Variants in CNTNAP2 observed in about 807,000 individuals in gnomAD.
CNTNAP2 encodes contactin associated protein 2, also known as contactin-associated protein-like 2.
A neutral mutation model predicts 155.2 loss-of-function variants in CNTNAP2; 98 were observed. The ratio of observed to expected loss-of-function variants is 0.63; its 90% CI spans 0.54 to 0.75. The LOEUF (loss-of-function observed/expected upper bound fraction) is 0.75. Among genes scored for constraint, CNTNAP2 ranks in the 30% least tolerant of loss-of-function variants. The pLI is 0.00. For missense variants in CNTNAP2, 1,727 were observed against 1,688.1 expected, an observed-to-expected ratio of 1.02 and a Z score of -0.40; for synonymous variants, 651 against 631.2, an observed-to-expected ratio of 1.03 and a Z score of -0.47.
intron 1 of CNTNAP2, among the ~76,000 whole-genome samples, chr7:146,355,322 G>T (rs910503035): frequency 6.6e-6 from 1 of 152,154 alleles, no homozygotes; most frequent in South Asian, 2.1e-4. Flanking sequence ...CCAACAGGGG[G>T]TGTGCTAATA....
intron 1 of CNTNAP2, among the ~76,000 whole-genome samples, chr7:146,214,606 T>C (rs1799086085): frequency 6.6e-6 from 1 of 152,202 alleles, no homozygotes; most frequent in South Asian, 2.1e-4. Context: ...ACACTGTTAT[T>C]TAAAAGATTC....
chr7:147,364,752 G>A (rs1041834247), intron 9 of CNTNAP2, among the ~76,000 whole-genome samples: 15 of 152,062 alleles, frequency 9.9e-5, no homozygotes, highest in African/African-American at 3.6e-4. Flanking sequence ...GGGAGGCTGA[G>A]GCAGGAGAAT....
intron 14 of CNTNAP2, among the ~76,000 whole-genome samples, chr7:147,951,103 G>A (rs1009618011): frequency 3.9e-5 from 6 of 152,174 alleles, no homozygotes; most frequent in African/African-American, 1.4e-4. Context: ...TTATCTGATA[G>A]CGATTTAATT....
chr7:148,303,280 C>T (rs1201150244), intron 21 of CNTNAP2, among the ~76,000 whole-genome samples: 1 of 152,116 alleles, frequency 6.6e-6, no homozygotes. Context: ...GTAGAGAATG[C>T]AAGGTAGATT....
chr7:147,539,430 A>C (rs546013339), intron 11 of CNTNAP2, among the ~76,000 whole-genome samples: 1 of 152,168 alleles, frequency 6.6e-6, no homozygotes, highest in Admixed American at 6.6e-5. Flanking sequence ...TCCAGAGCCA[A>C]ACTATTTTGG....
At chr7:147,946,642 C>T (rs1212889995) in intron 14 of CNTNAP2, among the ~76,000 whole-genome samples, 4 of 151,750 alleles carry the variant, frequency 2.6e-5, no homozygotes, top group Non-Finnish European at 1.5e-5. Context: ...ATTTTCTTGG[C>T]GAGAAATAGT....
chr7:146,231,165 AG>A (rs1164076228), intron 1 of CNTNAP2, among the ~76,000 whole-genome samples: 1 of 152,180 alleles, frequency 6.6e-6, no homozygotes, highest in Admixed American at 6.5e-5. Flanking sequence ...TACATTCACT[AG>A]GATTACCTCA....
intron 15 of CNTNAP2, among the ~76,000 whole-genome samples, chr7:148,088,678 C>T (rs1402243077): frequency 6.6e-6 from 1 of 151,834 alleles, no homozygotes; most frequent in Non-Finnish European, 1.5e-5. Flanking sequence ...AAAAAGCCTC[C>T]TATCAAAGAA....
chr7:146,447,284 G>A (rs1796415882), intron 1 of CNTNAP2, among the ~76,000 whole-genome samples: 1 of 152,034 alleles, frequency 6.6e-6, no homozygotes, highest in Non-Finnish European at 1.5e-5. Flanking sequence ...TTCAGTAAAA[G>A]AAAGGAGCTA....
intron 1 of CNTNAP2, among the ~76,000 whole-genome samples, chr7:146,419,282 G>T (rs66785922): frequency 0.29 from 44,405 of 151,802 alleles, 6,643 homozygotes; most frequent in Admixed American, 0.43. Context: ...AACAGTATGG[G>T]GGAAACTGCC....
chr7:146,750,244 T>G (rs1370592418), intron 1 of CNTNAP2, among the ~76,000 whole-genome samples: 35 of 152,158 alleles, frequency 2.3e-4, no homozygotes, highest in Admixed American at 2.3e-3. Context: ...TTCTCCTATT[T>G]GAGAGTTTGA....
At chr7:148,323,788 G>A (rs1294860335) in intron 21 of CNTNAP2, among the ~76,000 whole-genome samples, 1 of 152,074 alleles carries the variant, frequency 6.6e-6, no homozygotes, top group Admixed American at 6.6e-5. Flanking sequence ...GAGGGAGGAG[G>A]CGTGAAGAGG....
intron 1 of CNTNAP2, among the ~76,000 whole-genome samples, chr7:146,609,537 C>T (rs1351494815): frequency 1.3e-5 from 2 of 152,076 alleles, no homozygotes; most frequent in African/African-American, 4.8e-5. Flanking sequence ...CATTTTGTGA[C>T]AAACTTAAAA....
chr7:147,267,488 C>T, intron 8 of CNTNAP2, among the ~76,000 whole-genome samples: 1 of 152,112 alleles, frequency 6.6e-6, no homozygotes, highest in Non-Finnish European at 1.5e-5. Flanking sequence ...TCCTTCCTCT[C>T]TCTGATGTTC....
chr7:146,182,566 C>G (rs1798563951), intron 1 of CNTNAP2, among the ~76,000 whole-genome samples: 1 of 152,156 alleles, frequency 6.6e-6, no homozygotes, highest in African/African-American at 2.4e-5. Context: ...GTTACAACTG[C>G]ATGTTTATGC....
At chr7:146,849,906 A>G (rs10238120) in intron 3 of CNTNAP2, among the ~76,000 whole-genome samples, 5,572 of 152,202 alleles carry the variant, frequency 0.037, 337 homozygotes, top group African/African-American at 0.12. Flanking sequence ...CTTTAAACAA[A>G]AGCCCGGGTC....
At chr7:147,254,772 G>A (rs1327485636) in intron 8 of CNTNAP2, among the ~76,000 whole-genome samples, 2 of 152,140 alleles carry the variant, frequency 1.3e-5, no homozygotes, top group Non-Finnish European at 2.9e-5. Context: ...CAACAGTTAA[G>A]CCAATTTTTA....
intron 9 of CNTNAP2, among the ~76,000 whole-genome samples, chr7:147,325,094 G>C (rs1478443055): frequency 6.6e-6 from 1 of 152,092 alleles, no homozygotes; most frequent in Non-Finnish European, 1.5e-5. Flanking sequence ...CTTGAGGTCA[G>C]GAGTTCAAGA....
At chr7:146,853,041 G>C (rs995787027) in intron 3 of CNTNAP2, among the ~76,000 whole-genome samples, 62 of 152,120 alleles carry the variant, frequency 4.1e-4, no homozygotes, top group African/African-American at 1.4e-3. Context: ...AGTCATTCAG[G>C]CTCTTTACAT....
Sources: allele counts gnomAD v4.1 joint callset (sites outside exome capture counted in the v4.1 genomes callset), GRCh38; gene constraint gnomAD v4.1.1; transcripts MANE v1.5; gene names NCBI Gene and HGNC (gene_info 2026-07-23, HGNC 2026-07-21).